OTUD7A: variants seen among roughly 807,000 people sequenced by gnomAD.
OTUD7A encodes OTU domain-containing protein 7A.
Under a neutral mutation model 65.7 loss-of-function variants are expected in OTUD7A, and 12 were observed. The ratio of observed to expected loss-of-function variants is 0.18; its 90% CI spans 0.12 to 0.30. The LOEUF is 0.30. Among genes scored for constraint, OTUD7A ranks in the 10% least tolerant of loss-of-function variants. OTUD7A has a pLI of 1.00. For synonymous variants in OTUD7A, 641 were observed against 586.3 expected, an observed-to-expected ratio of 1.09 and a Z score of -1.35; for missense variants, 1,148 against 1,304.8, an observed-to-expected ratio of 0.88 and a Z score of 1.85.
At chr15:31,745,356 G>T (rs777127375) in intron 1 of OTUD7A, among the ~76,000 whole-genome samples, 4 of 151,994 alleles carry the variant, frequency 2.6e-5, no homozygotes, top group African/African-American at 4.8e-5. Flanking sequence ...TAAATCAATG[G>T]GACAAAGATG....
intron 3 of OTUD7A, among the ~76,000 whole-genome samples, chr15:31,627,735 C>T (rs1891006650): frequency 6.6e-6 from 1 of 152,220 alleles, no homozygotes; most frequent in African/African-American, 2.4e-5. Context: ...TACTTTTCCA[C>T]ATCCTCTCCA....
intron 12 of OTUD7A, among the ~76,000 whole-genome samples, chr15:31,485,743 G>A (rs969070283): frequency 2.0e-5 from 3 of 152,174 alleles, no homozygotes; most frequent in Admixed American, 1.3e-4. Context: ...CTGAACAGGC[G>A]TCCCTGGCTT....
At chr15:31,822,549 C>A (rs1896708750) in intron 1 of OTUD7A, among the ~76,000 whole-genome samples, 1 of 152,238 alleles carries the variant, frequency 6.6e-6, no homozygotes, top group South Asian at 2.1e-4. Context: ...GCCTGCACCC[C>A]CAGCCTGGCC....
At chr15:31,609,423 T>G (rs916618701) in intron 3 of OTUD7A, among the ~76,000 whole-genome samples, 2 of 152,108 alleles carry the variant, frequency 1.3e-5, no homozygotes. Context: ...GTGTGGGAGC[T>G]GGGTGAGGCC....
chr15:31,634,513 C>T (rs1395936332), intron 3 of OTUD7A, among the ~76,000 whole-genome samples: 2 of 152,232 alleles, frequency 1.3e-5, no homozygotes, highest in South Asian at 4.1e-4. Context: ...GGATGTTCTC[C>T]ACCCGTCTCC....
chr15:31,585,444 A>G (rs1889502216), intron 3 of OTUD7A, among the ~76,000 whole-genome samples: 1 of 152,262 alleles, frequency 6.6e-6, no homozygotes, highest in Non-Finnish European at 1.5e-5. Flanking sequence ...AGATGGTGAC[A>G]GTGGCTCTGC....
chr15:31,753,735 A>ATAT (rs1894729444), intron 1 of OTUD7A, among the ~76,000 whole-genome samples: 3 of 125,092 alleles, frequency 2.4e-5, no homozygotes, highest in Admixed American at 8.4e-5. Flanking sequence ...ATATATATAT[A>ATAT]TATATCTCAC....
chr15:31,717,447 G>T (rs1039570188), intron 1 of OTUD7A, among the ~76,000 whole-genome samples: 2 of 151,980 alleles, frequency 1.3e-5, no homozygotes, highest in African/African-American at 4.8e-5. Context: ...GCGTCCATGT[G>T]TTCTCATTGT....
chr15:31,815,519 T>C (rs1295145825), intron 1 of OTUD7A, among the ~76,000 whole-genome samples: 2 of 152,256 alleles, frequency 1.3e-5, no homozygotes, highest in Non-Finnish European at 2.9e-5. Flanking sequence ...AATTTGTGTC[T>C]GAGTTCATTG....
At chr15:31,580,872 G>A (rs763868923) in intron 3 of OTUD7A, among the ~76,000 whole-genome samples, 9 of 151,878 alleles carry the variant, frequency 5.9e-5, no homozygotes, top group Admixed American at 1.3e-4. Context: ...TTCCACCCCC[G>A]GCCCCTCCCA....
chr15:31,772,097 A>G (rs532582710), intron 1 of OTUD7A, among the ~76,000 whole-genome samples: 1 of 146,634 alleles, frequency 6.8e-6, no homozygotes, highest in South Asian at 2.4e-4. Flanking sequence ...CTAAAAATAC[A>G]AAAAATTAGC....
intron 1 of OTUD7A, among the ~76,000 whole-genome samples, chr15:31,670,303 G>A (rs1438670024): frequency 6.6e-6 from 1 of 152,136 alleles, no homozygotes; most frequent in Non-Finnish European, 1.5e-5. Flanking sequence ...TATAGTAATG[G>A]GATTGCCGGG....
At chr15:31,496,108 A>T (rs2041380213) in intron 10 of OTUD7A, among the ~76,000 whole-genome samples, 1 of 151,356 alleles carries the variant, frequency 6.6e-6, no homozygotes, top group African/African-American at 2.4e-5. Flanking sequence ...CTTTCTTGCC[A>T]CCATGAACTA....
chr15:31,570,952 G>A (rs144327437), intron 3 of OTUD7A, among the ~76,000 whole-genome samples: 41 of 152,278 alleles, frequency 2.7e-4, no homozygotes, highest in African/African-American at 8.9e-4. Context: ...ATTCAGTTAG[G>A]CATCATCCTA....
chr15:31,569,865 T>C (rs865899248), intron 4 of OTUD7A, among the ~76,000 whole-genome samples, 153 bp downstream of exon 4: 4 of 152,220 alleles, frequency 2.6e-5, no homozygotes, highest in Admixed American at 6.5e-5. Context: ...CAAAGGACAT[T>C]TCGGCATAGT....
At chr15:31,569,963 AGCT>A (rs1194769484) in intron 4 of OTUD7A, 52 bp downstream of exon 4, 14 of 1,588,590 alleles carry the variant, frequency 8.8e-6, no homozygotes, top group Non-Finnish European at 1.2e-5. Context: ...CCCGCCTGCA[AGCT>A]GCGGTGCACT....
At chr15:31,571,668 A>G (rs930108752) in intron 3 of OTUD7A, among the ~76,000 whole-genome samples, 9 of 152,222 alleles carry the variant, frequency 5.9e-5, no homozygotes, top group African/African-American at 9.6e-5. Flanking sequence ...AAGCACTAAT[A>G]CATGGTAGTT....
At chr15:31,687,999 T>C (rs1892876777) in intron 1 of OTUD7A, among the ~76,000 whole-genome samples, 1 of 152,188 alleles carries the variant, frequency 6.6e-6, no homozygotes. Context: ...GTGGATCACC[T>C]GAGGTCAAGA....
chr15:31,739,128 G>C (rs1441167713), intron 1 of OTUD7A, among the ~76,000 whole-genome samples: 1 of 152,116 alleles, frequency 6.6e-6, no homozygotes, highest in African/African-American at 2.4e-5. Context: ...AAACACCCCA[G>C]GTATTGTTAT....
Sources: gnomAD v4.1 joint callset for allele counts (sites outside exome capture counted in the v4.1 genomes callset) on GRCh38, gnomAD v4.1.1 for gene constraint, MANE v1.5 for transcripts, NCBI Gene and HGNC (gene_info 2026-07-23, HGNC 2026-07-21) for gene names.